The following FRA10AC1 variants were observed in gnomAD, a reference collection of about 807,000 sequenced individuals.
FRA10AC1 encodes FRA10A associated CGG repeat 1.
A neutral mutation model predicts 56.5 loss-of-function variants in FRA10AC1; 43 were observed. That is an observed-to-expected ratio of 0.76 (90% confidence interval 0.60 to 0.98). The LOEUF (loss-of-function observed/expected upper bound fraction) is 0.98, where lower values mean the gene tolerates loss of function less well. FRA10AC1 is among the 50% of genes least tolerant of loss of function. FRA10AC1 has a pLI of 0.00. For missense variants in FRA10AC1, 346 were observed against 351.8 expected (o/e 0.98, Z 0.13); for synonymous variants, 112 against 110.5 (o/e 1.01, Z -0.09).
chr10:93,694,491 G>A (rs1246339986), intron 5 of FRA10AC1, among the ~76,000 whole-genome samples: 1 of 151,912 alleles, frequency 6.6e-6, no homozygotes, highest in Non-Finnish European at 1.5e-5. Flanking sequence ...CAAGACAGGT[G>A]GATCACAAGG....
At chr10:93,691,289 C>T (rs772953600) in intron 7 of FRA10AC1, among the ~76,000 whole-genome samples, 21 of 152,094 alleles carry the variant, frequency 1.4e-4, no homozygotes, top group Non-Finnish European at 2.6e-4. Context: ...AACCTTCTAA[C>T]CTCAGCCTCC....
At chr10:93,702,956 C>T (rs1441666629), upstream of FRA10AC1, 1 of 455,980 alleles carries the variant, frequency 2.2e-6, no homozygotes, top group Non-Finnish European at 4.4e-6. Context: ...TCAGATCAGC[C>T]TCTCCCTCCT....
chr10:93,686,621 A>C (rs2059032577), intron 8 of FRA10AC1, among the ~76,000 whole-genome samples: 1 of 149,774 alleles, frequency 6.7e-6, no homozygotes, highest in Non-Finnish European at 1.5e-5. Context: ...TTTCACACCT[A>C]ACATAGCCAA....
intron 11 of FRA10AC1, 77 bp from the exon 12 acceptor site, chr10:93,676,768 T>C (rs2058849383): frequency 1.4e-6 from 2 of 1,456,970 alleles, no homozygotes; most frequent in African/African-American, 1.4e-5. Context: ...CCAGAATTCT[T>C]AGCAATATTC....
At chr10:93,687,355 TA>T in intron 8 of FRA10AC1, 48 bp downstream of exon 8, 2 of 1,347,552 alleles carry the variant, frequency 1.5e-6, no homozygotes. Context: ...TTCAGTAACT[TA>T]ACAAAATAAG....
chr10:93,685,302 T>C lies in FRA10AC1; in HGVS notation c.569A>G (p.Glu190Gly). The change falls in exon 9 of 14, where the codon GAA becomes GGA. Residue 190 changes from glutamate to glycine, a missense_variant. Transcript: ENST00000359204. ...ATGCTCAATATAACCAAAATTAACT[T>C]CCCAACTCTTTAAGCCTTCTTTTTT... ...CDKKEGLKSW[E>G]VNFGYIEHGE... is the part of the protein sequence containing the mutation. 6.3e-7 allele frequency: 1 copy of C among 1,590,746 alleles called. No homozygotes were observed. The highest frequency in any genetic ancestry group is 1.3e-5 in the African/African-American group (1 of 74,324).
In FRA10AC1 at chr10:93,684,062, T is replaced by C. The variant is rs771208599; in HGVS notation, c.662A>G (p.His221Arg). 2 of 1,602,764 alleles carry C rather than the reference T, an allele frequency of 1.2e-6. No homozygotes were observed. Among genetic ancestry groups the C allele is most frequent in the East Asian group, 2.2e-5 (1 of 44,730 alleles). ...CQECSIKLNF[H>R]HRRKEIKSKK... is the part of the protein sequence containing the mutation. ...GCATTTTAAAAGACATTACCTGTGATGGAAATTTAATTTAATGGAACATTC... is the reference window on the plus strand; with the variant it reads ...GCATTTTAAAAGACATTACCTGTGACGGAAATTTAATTTAATGGAACATTC... Residue 221 changes from histidine to arginine, a missense_variant, in exon 10 of 14, where the codon CAT becomes CGT. His to Arg is a conservative substitution (Grantham distance 29). Coordinates refer to ENST00000359204, the MANE Select transcript of FRA10AC1 (RefSeq NM_145246.5).
intron 12 of FRA10AC1, 145 bp from the exon 13 acceptor site, chr10:93,670,993 A>G: frequency 1.7e-6 from 1 of 580,050 alleles, no homozygotes; most frequent in Non-Finnish European, 3.1e-6. Context: ...CACAGGTACA[A>G]TAAATTCTTT....
intron 10 of FRA10AC1, among the ~76,000 whole-genome samples, 169 bp downstream of exon 10, chr10:93,683,887 C>T (rs11187585): frequency 0.095 from 14,437 of 152,116 alleles, 790 homozygotes; most frequent in Middle Eastern, 0.13. Context: ...TAGGGCATAG[C>T]GGACTTCTAA....
chr10:93,677,591 C>T (rs149221598), intron 11 of FRA10AC1, among the ~76,000 whole-genome samples: 1 of 152,266 alleles, frequency 6.6e-6, no homozygotes, highest in African/African-American at 2.4e-5. Flanking sequence ...TAGATTTTGG[C>T]TGAATGTTAA....
chr10:93,689,241 A>C (rs1371179233), intron 7 of FRA10AC1, among the ~76,000 whole-genome samples: 1 of 151,896 alleles, frequency 6.6e-6, no homozygotes, highest in African/African-American at 2.4e-5. Context: ...ATTACAGGCA[A>C]GAGCCACCGT....
chr10:93,686,907 G>A (rs777768077), intron 8 of FRA10AC1, among the ~76,000 whole-genome samples: 82 of 151,902 alleles, frequency 5.4e-4, no homozygotes, highest in Non-Finnish European at 2.5e-4. Flanking sequence ...CCTACCAAAT[G>A]TCTGGTCTTT....
In FRA10AC1 at chr10:93,669,816, C is replaced by G. The variant is rs372971841; in HGVS notation, c.*10G>C. 3 of 1,554,396 alleles carry G rather than the reference C, an allele frequency of 1.9e-6. No homozygotes were observed. The highest frequency in any genetic ancestry group is 2.6e-6 in the Non-Finnish European group (3 of 1,139,628). On this transcript the variant is annotated 3_prime_UTR_variant, in exon 14 of 14. Transcript: ENST00000359204. ...TTCACATTAAGGAGCGGAGGCTTCTCTCTCTCGTCTCATAGAAACAAATCC... is the reference window on the plus strand; with the variant it reads ...TTCACATTAAGGAGCGGAGGCTTCTGTCTCTCGTCTCATAGAAACAAATCC...
upstream of FRA10AC1, among the ~76,000 whole-genome samples, chr10:93,702,749 C>A (rs993638231): frequency 6.6e-6 from 1 of 152,028 alleles, no homozygotes; most frequent in Non-Finnish European, 1.5e-5. Flanking sequence ...TCGCGGCTCC[C>A]AGTTTTTCCC....
rs1564814887 is a variant in FRA10AC1 at position 93,681,552 on chromosome 10, CT to C, written c.714del (p.Asp239ThrfsTer89). The C allele has an allele frequency of 3.2e-6, 5 of 1,570,258 alleles. No individual in the cohort carries two copies. In the Admixed American group the frequency reaches 5.9e-5, roughly 18 times the overall value. On this transcript the variant is annotated frameshift_variant, in exon 11 of 14. Transcript: ENST00000359204. LOFTEE classifies it high-confidence loss of function. ...TTTTTATGTGATGACTCTTCACAGT[CT>C]TTTTTGGTTTTATCTTTTCTTTTTT... is the stretch of plus-strand genomic sequence containing the variant. ...KSKKRKDKTK[K>X]DCEESSHKKS...
At position 93,669,491 on chromosome 10, in the gene FRA10AC1, G is replaced by A. The variant is rs10159893; in HGVS notation, c.*335C>T. On this transcript the variant is annotated 3_prime_UTR_variant, in exon 14 of 14. Transcript: ENST00000359204. ...AGAAGAAATAATAAAATAAAATAAT[G>A]AAGGCAAGAGAAGATACATAATGAA... 2,079 of 200,184 alleles carry A rather than the reference G, an allele frequency of 0.01. 40 individuals are homozygous for A. The highest frequency in any genetic ancestry group is 0.045 in the African/African-American group (1,968 of 43,296). The allele number at this position is 200,184 out of a possible 1,614,324, so 12.4% of individuals were successfully genotyped here.
intron 10 of FRA10AC1, 29 bp downstream of exon 10, chr10:93,684,027 A>T (rs750349454): frequency 2.5e-5 from 36 of 1,461,506 alleles, no homozygotes; most frequent in South Asian, 2.0e-4. Context: ...ATTACTAAAC[A>T]TTAAGAATGG....
chr10:93,676,614 C>A (rs182722950), intron 12 of FRA10AC1, 39 bp downstream of exon 12: 11 of 1,532,426 alleles, frequency 7.2e-6, no homozygotes, highest in Non-Finnish European at 9.6e-6. Context: ...GCAAATACCT[C>A]AAATGCATAT....
chr10:93,692,161 T>G, intron 6 of FRA10AC1, 68 bp from the exon 7 acceptor site: 1 of 1,075,750 alleles, frequency 9.3e-7, no homozygotes, highest in East Asian at 2.9e-5. Flanking sequence ...TTTCAAGTGA[T>G]GTCAAAGAAT....
Sources: gnomAD v4.1 joint callset for allele counts (sites outside exome capture counted in the v4.1 genomes callset) on GRCh38, gnomAD v4.1.1 for gene constraint, MANE v1.5 for transcripts, NCBI Gene and HGNC (gene_info 2026-07-23, HGNC 2026-07-21) for gene names.